FSTL4: variants seen among roughly 807,000 people sequenced by gnomAD.
The protein encoded by FSTL4 is follistatin like 4, also known as follistatin-related protein 4.
A neutral mutation model predicts 78.2 loss-of-function variants in FSTL4; 28 were observed. The ratio of observed to expected loss-of-function variants is 0.36; its 90% CI spans 0.27 to 0.49. The LOEUF is 0.49. Ranked by LOEUF, FSTL4 falls within the 20% of genes least tolerant of loss-of-function variation. The probability of loss-of-function intolerance (pLI) is 0.98; values close to 1 mark genes in which losing one functional copy is unlikely to be tolerated. For synonymous variants in FSTL4, 422 were observed against 440.5 expected (o/e 0.96, Z 0.53); for missense variants, 922 against 1,084.9 (o/e 0.85, Z 2.11).
chr5:133,290,105 C>G (rs150634891), intron 6 of FSTL4, among the ~76,000 whole-genome samples: 1 of 152,210 alleles, frequency 6.6e-6, no homozygotes, highest in Admixed American at 6.5e-5. Flanking sequence ...TGTTAGGCAG[C>G]TGCCCAGGTG....
intron 7 of FSTL4, among the ~76,000 whole-genome samples, chr5:133,240,377 C>T (rs1180409139): frequency 3.3e-5 from 5 of 152,222 alleles, no homozygotes; most frequent in Admixed American, 6.5e-5. Flanking sequence ...AAAGAAGTCT[C>T]TGCAACTTGG....
At chr5:133,727,395 G>A in the FSTL4 span, among the ~76,000 whole-genome samples, 9 of 152,130 alleles carry the variant, frequency 5.9e-5, no homozygotes, top group Non-Finnish European at 2.9e-5. Flanking sequence ...TGCTGAAGCT[G>A]TATCTATATA....
At chr5:133,341,056 C>T (rs549826660) in intron 4 of FSTL4, among the ~76,000 whole-genome samples, 2 of 152,108 alleles carry the variant, frequency 1.3e-5, no homozygotes, top group South Asian at 2.1e-4. Flanking sequence ...ACAGCAGGGG[C>T]CGCCAGCCCA....
chr5:133,710,661 C>G, the FSTL4 span, among the ~76,000 whole-genome samples: 3 of 152,212 alleles, frequency 2.0e-5, no homozygotes, highest in Non-Finnish European at 4.4e-5. Flanking sequence ...AGAGGTACCC[C>G]TAGAGCTGGT....
At chr5:133,530,469 T>C (rs1417213868) in intron 3 of FSTL4, among the ~76,000 whole-genome samples, 1 of 152,198 alleles carries the variant, frequency 6.6e-6, no homozygotes, top group Non-Finnish European at 1.5e-5. Flanking sequence ...GTGACATGCA[T>C]TGTGTGCTCA....
the FSTL4 span, among the ~76,000 whole-genome samples, chr5:133,758,929 T>C: frequency 1.1e-4 from 16 of 152,224 alleles, no homozygotes; most frequent in African/African-American, 3.4e-4. Context: ...CACAACATGG[T>C]GCATACTGTC....
chr5:133,591,239 G>T (rs1192543997), intron 2 of FSTL4, among the ~76,000 whole-genome samples: 5 of 152,194 alleles, frequency 3.3e-5, no homozygotes, highest in Admixed American at 3.3e-4. Flanking sequence ...GACAGGCCGG[G>T]TTGGTGAGGT....
At chr5:133,276,358 T>G (rs1752883800) in intron 6 of FSTL4, among the ~76,000 whole-genome samples, 1 of 152,190 alleles carries the variant, frequency 6.6e-6, no homozygotes, top group African/African-American at 2.4e-5. Flanking sequence ...AGGCTGGGGA[T>G]GGCAGGGCCC....
At chr5:133,800,942 G>T in the FSTL4 span, among the ~76,000 whole-genome samples, 1 of 152,090 alleles carries the variant, frequency 6.6e-6, no homozygotes. Flanking sequence ...TGGGAGGTGG[G>T]GAGGTGGGGA....
chr5:133,350,782 A>G (rs1754804873), intron 4 of FSTL4, among the ~76,000 whole-genome samples: 1 of 152,140 alleles, frequency 6.6e-6, no homozygotes, highest in African/African-American at 2.4e-5. Context: ...GGATGAAGCT[A>G]GCCAAAATAT....
upstream of FSTL4, among the ~76,000 whole-genome samples, chr5:133,617,298 C>CAAAAAAA (rs145317097): frequency 1.6e-5 from 1 of 61,938 alleles, no homozygotes; most frequent in Non-Finnish European, 3.0e-5. Context: ...GACTCCATCT[C>CAAAAAAA]AAAAAAAAAA....
At chr5:133,349,610 T>C (rs910562030) in intron 4 of FSTL4, among the ~76,000 whole-genome samples, 5 of 143,832 alleles carry the variant, frequency 3.5e-5, no homozygotes, top group African/African-American at 5.3e-5. Flanking sequence ...ACCCATAGGA[T>C]GGACTTTGTT....
At position 133,604,058 on chromosome 5, in the gene FSTL4, A is replaced by C. The variant is rs1760926510; in HGVS notation, c.-10-65T>G. ...GAGATGGATATAATAAGTCACAGTG[A>C]GTTAGTATGTGTTCCCCAGAATCAG... On this transcript the variant is annotated intron_variant, in intron 1 of 15. Transcript: ENST00000265342. 3 of 1,174,738 alleles carry C rather than the reference A, an allele frequency of 2.6e-6. No homozygotes were observed. In the South Asian group the frequency reaches 3.8e-5, roughly 15 times the overall value. The allele number at this position is 1,174,738 out of a possible 1,614,324, so 72.8% of individuals were successfully genotyped here.
chr5:133,808,326 T>C, the FSTL4 span, among the ~76,000 whole-genome samples: 1 of 151,860 alleles, frequency 6.6e-6, no homozygotes, highest in African/African-American at 2.4e-5. Context: ...AGGAGGAGAG[T>C]GTCCCAGGAC....
chr5:133,762,574 G>C, the FSTL4 span, among the ~76,000 whole-genome samples: 1 of 152,104 alleles, frequency 6.6e-6, no homozygotes, highest in Admixed American at 6.5e-5. Flanking sequence ...AATGATAAAG[G>C]GATTTATAGA....
chr5:133,655,545 T>G, the FSTL4 span, among the ~76,000 whole-genome samples: 1 of 152,224 alleles, frequency 6.6e-6, no homozygotes. Flanking sequence ...GTCTCTTGAG[T>G]ATCTCCTATC....
intron 4 of FSTL4, among the ~76,000 whole-genome samples, chr5:133,322,868 T>A (rs1754105993): frequency 6.6e-6 from 1 of 152,066 alleles, no homozygotes; most frequent in Non-Finnish European, 1.5e-5. Flanking sequence ...ACCTCTGGGG[T>A]TGACTGAGGG....
the FSTL4 span, among the ~76,000 whole-genome samples, chr5:133,634,286 G>A: frequency 1.1e-3 from 162 of 152,252 alleles, no homozygotes; most frequent in Non-Finnish European, 2.9e-4. Context: ...GTCTTTCTGG[G>A]ATGGTTGGGT....
At chr5:133,229,089 A>G (rs368849537) in intron 8 of FSTL4, among the ~76,000 whole-genome samples, 16 of 152,382 alleles carry the variant, frequency 1.0e-4, no homozygotes, top group African/African-American at 3.4e-4. Flanking sequence ...CTCAATGAAG[A>G]AAACAATATA....
Sources: allele counts gnomAD v4.1 joint callset (sites outside exome capture counted in the v4.1 genomes callset), GRCh38; gene constraint gnomAD v4.1.1; transcripts MANE v1.5; gene names NCBI Gene and HGNC (gene_info 2026-07-23, HGNC 2026-07-21).